The following FAM120C variants were observed in gnomAD, a reference collection of about 807,000 sequenced individuals.
FAM120C encodes constitutive coactivator of PPAR-gamma-like protein 2.
A neutral mutation model predicts 71.2 loss-of-function variants in FAM120C; 14 were observed. The observed-to-expected ratio is 0.20, with a 90% CI of 0.13 to 0.31. The LOEUF (loss-of-function observed/expected upper bound fraction) is 0.31, where lower values mean the gene tolerates loss of function less well. Ranked by LOEUF, FAM120C falls within the 10% of genes least tolerant of loss-of-function variation. FAM120C has a pLI of 1.00. For synonymous variants in FAM120C, 354 were observed against 353.2 expected (o/e 1.00, Z -0.03); for missense variants, 500 against 879.0 (o/e 0.57, Z 5.45).
chrX:54,142,008 C>T (rs371415094), intron 4 of FAM120C, among the ~76,000 whole-genome samples: 56 of 111,351 alleles, frequency 5.0e-4, no homozygotes, highest in African/African-American at 1.8e-3. Flanking sequence ...AAAGGCTCAC[C>T]AAATTCATCT....
intron 10 of FAM120C, among the ~76,000 whole-genome samples, chrX:54,101,278 C>T (rs150566978): frequency 7.2e-5 from 8 of 111,381 alleles, no homozygotes; most frequent in African/African-American, 2.3e-4. Context: ...GCAGCTTTCC[C>T]GAGGTGGCAC....
chrX:54,143,592 T>C (rs1490307823), intron 4 of FAM120C, among the ~76,000 whole-genome samples: 1 of 111,983 alleles, frequency 8.9e-6, no homozygotes, highest in East Asian at 2.8e-4. Flanking sequence ...CCTGGACACA[T>C]ACACCCTCCC....
At chrX:54,141,840 AAAC>A (rs2067127236) in intron 4 of FAM120C, among the ~76,000 whole-genome samples, 1 of 111,696 alleles carries the variant, frequency 9.0e-6, no homozygotes, top group African/African-American at 3.2e-5. Context: ...GAAATTTAAA[AAAC>A]AAAATATCCT....
At chrX:54,138,214 A>C (rs1374339011) in intron 4 of FAM120C, among the ~76,000 whole-genome samples, 1 of 111,809 alleles carries the variant, frequency 8.9e-6, no homozygotes, top group Non-Finnish European at 1.9e-5. Flanking sequence ...AAAAGAGTAC[A>C]CATAAACTGG....
intron 9 of FAM120C, among the ~76,000 whole-genome samples, chrX:54,126,260 G>C (rs781907897): frequency 8.9e-6 from 1 of 112,217 alleles, no homozygotes; most frequent in Non-Finnish European, 1.9e-5. Context: ...GCAGTAGAAA[G>C]AGCAGACATT....
chrX:54,101,135 C>T lies in FAM120C; in HGVS notation c.2313-9709G>A, dbSNP rs781927578. ...AAGCCTCCACAGCTCTTACTTTATG[C>T]GGGCCTGCAGAATTATCACCATGTG... On this transcript the variant is annotated intron_variant, in intron 10 of 15. Transcript: ENST00000375180. 6.8e-4 allele frequency among the ~76,000 whole-genome samples: 76 copies of T among 111,848 alleles called. No individual in the cohort carries two copies. The South Asian group carries it at 0.023, about 33-fold the overall frequency.
chrX:54,152,400 G>C (rs2146629278), intron 3 of FAM120C, among the ~76,000 whole-genome samples: 1 of 111,487 alleles, frequency 9.0e-6, no homozygotes, highest in South Asian at 3.8e-4. Context: ...TGGGATTACA[G>C]GCACCTGCCA....
chrX:54,113,862 G>A (rs2066952068), intron 10 of FAM120C, among the ~76,000 whole-genome samples: 2 of 111,083 alleles, frequency 1.8e-5, no homozygotes, highest in South Asian at 3.8e-4. Context: ...ATTGCGGTGA[G>A]CCGAGATCGT....
At chrX:54,130,063 CACCGTGGGGAGAGGGAGAGGGAGAGGGAG>C (rs2146606361) in intron 9 of FAM120C, among the ~76,000 whole-genome samples, 1 of 50,488 alleles carries the variant, frequency 2.0e-5, no homozygotes, top group East Asian at 6.6e-4. Flanking sequence ...GGGAGAGGGA[CACCGTGGGGAGAGGGAGAGGGAGAGGGAG>C]ACCGTGGGGA....
Position 54,098,041 on chromosome X carries a change from CT to C in FAM120C, c.2313-6616del, listed in dbSNP as rs782139749. ...GTGCCCGGCCTATTTTTTTATATTA[CT>C]TTTTTTTTTTTTTTTTGAGATGGAG... On this transcript the variant is annotated intron_variant, in intron 10 of 15. Coordinates refer to ENST00000375180, the MANE Select transcript of FAM120C (RefSeq NM_017848.6). Among the ~76,000 whole-genome samples the C allele has an allele frequency of 5.7e-3, 416 of 73,323 alleles. 1 individual carries two copies. Among genetic ancestry groups the C allele is most frequent in the African/African-American group, 0.015 (293 of 19,633 alleles). 63.7% of individuals were successfully genotyped at this position (73,323 alleles called of 115,157 possible). A position where few individuals can be genotyped will look rare whatever the true frequency, so the allele number is the denominator to read the frequency against.
chrX:54,082,608 C>G (rs782257086), intron 13 of FAM120C, among the ~76,000 whole-genome samples: 109 of 108,782 alleles, frequency 1.0e-3, no homozygotes, highest in African/African-American at 3.5e-3. Context: ...AGGGGTTCAC[C>G]GTATTGGCCA....
At chrX:54,171,007 C>G (rs1202940237) in intron 1 of FAM120C, among the ~76,000 whole-genome samples, 2 of 110,811 alleles carry the variant, frequency 1.8e-5, no homozygotes, top group Non-Finnish European at 3.8e-5. Context: ...AGACAATGAT[C>G]ACAAGAAATT....
At chrX:54,089,377 C>G (rs1192051552) in intron 11 of FAM120C, among the ~76,000 whole-genome samples, 1 of 111,448 alleles carries the variant, frequency 9.0e-6, no homozygotes, top group Non-Finnish European at 1.9e-5. Context: ...TGTTAGAAGA[C>G]AGCTTTAACA....
At chrX:54,079,450 G>C (rs781935984) in intron 15 of FAM120C, among the ~76,000 whole-genome samples, 1 of 109,153 alleles carries the variant, frequency 9.2e-6, no homozygotes, top group Non-Finnish European at 1.9e-5. Flanking sequence ...TCGAGAGAGA[G>C]AGAGAGAGAG....
chrX:54,159,326 G>A, intron 2 of FAM120C, 44 bp downstream of exon 2: 2 of 1,203,578 alleles, frequency 1.7e-6, no homozygotes, highest in Non-Finnish European at 2.2e-6. Flanking sequence ...AACACCAGAA[G>A]AGGAAACTAC....
chrX:54,144,118 TCA>T, intron 4 of FAM120C, among the ~76,000 whole-genome samples: 1 of 111,748 alleles, frequency 8.9e-6, no homozygotes, highest in South Asian at 3.7e-4. Context: ...CAACAGCCCT[TCA>T]TGCTAAAAAC....
intron 4 of FAM120C, among the ~76,000 whole-genome samples, chrX:54,139,580 A>C (rs1353130493): frequency 9.0e-6 from 1 of 110,539 alleles, no homozygotes; most frequent in African/African-American, 3.3e-5. Flanking sequence ...TGACCTCGTG[A>C]TCCGTCCATC....
intron 10 of FAM120C, among the ~76,000 whole-genome samples, chrX:54,112,371 C>T (rs1603355067): frequency 9.1e-6 from 1 of 109,597 alleles, no homozygotes; most frequent in South Asian, 3.9e-4. Context: ...AAGCCGAGAT[C>T]GCGCCACTGC....
At chrX:54,162,840 T>A (rs2067241552) in intron 1 of FAM120C, among the ~76,000 whole-genome samples, 2 of 111,626 alleles carry the variant, frequency 1.8e-5, no homozygotes, top group South Asian at 3.8e-4. Context: ...AGACAAACGA[T>A]CAATGAGGGT....
Sources: gnomAD v4.1 joint callset for allele counts (sites outside exome capture counted in the v4.1 genomes callset) on GRCh38, gnomAD v4.1.1 for gene constraint, MANE v1.5 for transcripts, NCBI Gene and HGNC (gene_info 2026-07-23, HGNC 2026-07-21) for gene names.